Variants in CNTNAP5 observed in about 807,000 individuals in gnomAD.
CNTNAP5 encodes the protein contactin-associated protein-like 5.
A neutral mutation model predicts 150.2 loss-of-function variants in CNTNAP5; 72 were observed. The observed-to-expected ratio is 0.48, with a 90% CI of 0.40 to 0.58. The LOEUF (loss-of-function observed/expected upper bound fraction) is 0.58, where lower values mean the gene tolerates loss of function less well. Among genes scored for constraint, CNTNAP5 ranks in the 20% least tolerant of loss-of-function variants. The probability of loss-of-function intolerance (pLI) is 0.00; values close to 1 mark genes in which losing one functional copy is unlikely to be tolerated. For missense variants in CNTNAP5, 1,636 were observed against 1,626.2 expected, an observed-to-expected ratio of 1.01 and a Z score of -0.10; for synonymous variants, 672 against 619.8, an observed-to-expected ratio of 1.08 and a Z score of -1.25.
chr2:124,641,126 C>CAAAAAAAAAAA (rs78602781), intron 12 of CNTNAP5, among the ~76,000 whole-genome samples: 7 of 98,484 alleles, frequency 7.1e-5, no homozygotes, highest in East Asian at 3.7e-4. Flanking sequence ...AACTCCATCT[C>CAAAAAAAAAAA]AAAAAAAAAA....
chr2:124,415,721 G>T, intron 3 of CNTNAP5, among the ~76,000 whole-genome samples: 1 of 152,262 alleles, frequency 6.6e-6, no homozygotes, highest in Non-Finnish European at 1.5e-5. Context: ...TTAAAGATGA[G>T]GTATGATTGG....
At chr2:124,906,955 C>T (rs916742073) in intron 22 of CNTNAP5, among the ~76,000 whole-genome samples, 1 of 151,986 alleles carries the variant, frequency 6.6e-6, no homozygotes, top group African/African-American at 2.4e-5. Flanking sequence ...AAATAAGAAA[C>T]ATTTAAAGTC....
chr2:124,550,888 C>A (rs1695612981), intron 10 of CNTNAP5, among the ~76,000 whole-genome samples: 3 of 152,128 alleles, frequency 2.0e-5, no homozygotes, highest in African/African-American at 7.2e-5. Context: ...GTAGCAATGT[C>A]TTGCTACTAT....
At chr2:124,279,378 C>T (rs1431394534) in intron 3 of CNTNAP5, among the ~76,000 whole-genome samples, 2 of 151,954 alleles carry the variant, frequency 1.3e-5, no homozygotes, top group East Asian at 3.9e-4. Flanking sequence ...TGGAATGAAG[C>T]TCTGACACCT....
At chr2:124,116,375 C>T (rs754025067) in intron 1 of CNTNAP5, among the ~76,000 whole-genome samples, 1 of 152,136 alleles carries the variant, frequency 6.6e-6, no homozygotes, top group Non-Finnish European at 1.5e-5. Flanking sequence ...AGAAGGGTAT[C>T]GGGTAAAACT....
rs775700566 is a variant in CNTNAP5, at chr2:124,915,870, T to C, written c.*1582T>C. ...AGAAGACAATGTAAATGCTCCAAGA[T>C]AGTGGAAATGCTCATGTAATGATTC... On this transcript the variant is annotated 3_prime_UTR_variant, in exon 24 of 24. Transcript: ENST00000682447. 1.3e-4 allele frequency among the ~76,000 whole-genome samples: 20 copies of C among 152,192 alleles called. No homozygotes were observed. Among genetic ancestry groups the C allele is most frequent in the Non-Finnish European group, 2.5e-4 (17 of 67,956 alleles).
chr2:124,849,882 A>T (rs1453148993), intron 19 of CNTNAP5, among the ~76,000 whole-genome samples: 1 of 152,166 alleles, frequency 6.6e-6, no homozygotes, highest in Non-Finnish European at 1.5e-5. Flanking sequence ...TTTTCATTAA[A>T]TGTTTTTATT....
At chr2:124,567,306 G>A (rs185031498) in intron 11 of CNTNAP5, among the ~76,000 whole-genome samples, 11 of 152,232 alleles carry the variant, frequency 7.2e-5, no homozygotes, top group Admixed American at 1.3e-4. Context: ...TCTTCAGTCC[G>A]TCTTAATTTT....
chr2:124,421,546 T>C (rs1485528270), intron 4 of CNTNAP5, among the ~76,000 whole-genome samples: 3 of 152,220 alleles, frequency 2.0e-5, no homozygotes, highest in Admixed American at 6.5e-5. Context: ...TAGAAGCCTC[T>C]GTCAGTTCTT....
chr2:124,454,008 A>G (rs1257496421), intron 6 of CNTNAP5, among the ~76,000 whole-genome samples: 1 of 152,204 alleles, frequency 6.6e-6, no homozygotes, highest in Non-Finnish European at 1.5e-5. Context: ...CAGAGTATAC[A>G]GGCAACAAAT....
At chr2:124,495,087 T>C (rs190360395) in intron 7 of CNTNAP5, among the ~76,000 whole-genome samples, 118 of 152,286 alleles carry the variant, frequency 7.7e-4, no homozygotes, top group African/African-American at 2.7e-3. Context: ...ATGTGTAAAT[T>C]TGTATTCTAT....
At chr2:124,430,582 AAATT>A (rs1180359551) in intron 4 of CNTNAP5, among the ~76,000 whole-genome samples, 5 of 152,154 alleles carry the variant, frequency 3.3e-5, no homozygotes, top group African/African-American at 1.2e-4. Context: ...CTGGAGACTG[AAATT>A]AATTATCAGG....
At chr2:124,160,214 G>C (rs558830967) in intron 1 of CNTNAP5, among the ~76,000 whole-genome samples, 2 of 152,180 alleles carry the variant, frequency 1.3e-5, no homozygotes, top group East Asian at 1.9e-4. Flanking sequence ...TCAGTCAGAT[G>C]TCAAGTCTGA....
chr2:124,593,116 T>G (rs13004011), intron 11 of CNTNAP5, among the ~76,000 whole-genome samples: 59,184 of 119,448 alleles, frequency 0.5, 12,860 homozygotes, highest in South Asian at 0.66. Flanking sequence ...TATTTATTTA[T>G]TTATTTATTT....
chr2:124,644,408 T>C (rs1678161786), intron 12 of CNTNAP5, among the ~76,000 whole-genome samples: 1 of 152,190 alleles, frequency 6.6e-6, no homozygotes, highest in Non-Finnish European at 1.5e-5. Flanking sequence ...GGCAATAATA[T>C]TAGTGGCTTT....
At chr2:124,544,038 A>T (rs1695453285) in intron 10 of CNTNAP5, among the ~76,000 whole-genome samples, 2 of 152,054 alleles carry the variant, frequency 1.3e-5, no homozygotes, top group African/African-American at 2.4e-5. Flanking sequence ...TTTTACCAAG[A>T]AGGACACTGA....
chr2:124,050,043 G>A (rs1681649728), intron 1 of CNTNAP5, among the ~76,000 whole-genome samples: 1 of 151,926 alleles, frequency 6.6e-6, no homozygotes, highest in South Asian at 2.1e-4. Context: ...ATGGGGATGA[G>A]GATTTTAATA....
intron 1 of CNTNAP5, among the ~76,000 whole-genome samples, chr2:124,077,515 A>G (rs764978506): frequency 6.6e-6 from 1 of 152,220 alleles, no homozygotes; most frequent in Non-Finnish European, 1.5e-5. Flanking sequence ...CTGATGAACC[A>G]AGCACATAGA....
intron 1 of CNTNAP5, among the ~76,000 whole-genome samples, chr2:124,134,094 T>C (rs1393522983): frequency 6.6e-6 from 1 of 152,114 alleles, no homozygotes; most frequent in African/African-American, 2.4e-5. Flanking sequence ...CCCAAGCACA[T>C]TTTGTAGATG....
Sources: allele counts gnomAD v4.1 joint callset (sites outside exome capture counted in the v4.1 genomes callset), GRCh38; gene constraint gnomAD v4.1.1; transcripts MANE v1.5; gene names NCBI Gene and HGNC (gene_info 2026-07-23, HGNC 2026-07-21).